Variants in HECW1 observed in about 807,000 individuals in gnomAD.
HECW1 encodes HECT, C2 and WW domain containing E3 ubiquitin protein ligase 1.
In HECW1, 61 loss-of-function variants were observed where a neutral mutation model predicts 182.3. The ratio of observed to expected loss-of-function variants is 0.33; its 90% CI spans 0.27 to 0.41. The LOEUF is 0.41. Among genes scored for constraint, HECW1 ranks in the 10% least tolerant of loss-of-function variants. The pLI is 1.00. For synonymous variants in HECW1, 859 were observed against 832.6 expected (o/e 1.03, Z -0.55); for missense variants, 1,739 against 2,108.9 (o/e 0.82, Z 3.44).
At chr7:43,199,055 A>G (rs1048289465) in intron 2 of HECW1, among the ~76,000 whole-genome samples, 3 of 152,164 alleles carry the variant, frequency 2.0e-5, no homozygotes, top group Non-Finnish European at 4.4e-5. Context: ...GAGTCCAAAT[A>G]TCCTGCCTCC....
intron 3 of HECW1, among the ~76,000 whole-genome samples, chr7:43,252,723 T>G (rs1342356085): frequency 2.0e-5 from 3 of 152,242 alleles, no homozygotes; most frequent in Non-Finnish European, 4.4e-5. Context: ...TAGGTAAATA[T>G]AACTAGCAGT....
chr7:43,450,777 T>A (rs2077208130), intron 11 of HECW1, 51 bp from the exon 12 acceptor site: 1 of 1,145,776 alleles, frequency 8.7e-7, no homozygotes, highest in Non-Finnish European at 1.3e-6. Context: ...TTTTTGATGA[T>A]GTTGCCACGG....
chr7:43,138,311 T>C (rs570260763), intron 2 of HECW1, among the ~76,000 whole-genome samples: 1 of 152,362 alleles, frequency 6.6e-6, no homozygotes, highest in African/African-American at 2.4e-5. Flanking sequence ...TGGTTTAATC[T>C]ATGCTGATGA....
intron 29 of HECW1, among the ~76,000 whole-genome samples, chr7:43,556,004 G>A (rs867329713): frequency 6.6e-6 from 1 of 152,236 alleles, no homozygotes; most frequent in Middle Eastern, 3.2e-3. Context: ...CATGCAGCTT[G>A]AGGAGGGGCT....
At chr7:43,181,413 C>T (rs994841675) in intron 2 of HECW1, among the ~76,000 whole-genome samples, 1 of 150,858 alleles carries the variant, frequency 6.6e-6, no homozygotes, top group Admixed American at 6.6e-5. Flanking sequence ...TTTGAGGAAC[C>T]TCAACACTGT....
At chr7:43,428,572 T>A (rs2076432331) in intron 8 of HECW1, among the ~76,000 whole-genome samples, 1 of 152,048 alleles carries the variant, frequency 6.6e-6, no homozygotes, top group African/African-American at 2.4e-5. Flanking sequence ...GACTCTAGAG[T>A]GAGGAAGAAA....
chr7:43,205,285 A>G (rs1220912456), intron 2 of HECW1, among the ~76,000 whole-genome samples: 2 of 152,056 alleles, frequency 1.3e-5, no homozygotes, highest in East Asian at 1.9e-4. Context: ...GTGTTTCACT[A>G]TGTTGGCCAG....
chr7:43,153,140 T>G (rs1162150599), intron 2 of HECW1, among the ~76,000 whole-genome samples: 1 of 152,206 alleles, frequency 6.6e-6, no homozygotes, highest in Admixed American at 6.5e-5. Flanking sequence ...GACTTCCTTT[T>G]TGGGGCACTA....
intron 2 of HECW1, among the ~76,000 whole-genome samples, chr7:43,128,701 C>T (rs1786552305): frequency 6.6e-6 from 1 of 152,166 alleles, no homozygotes; most frequent in African/African-American, 2.4e-5. Flanking sequence ...GACAGTGATT[C>T]TTCTGCTGGA....
chr7:43,518,816 C>A (rs2080293469), intron 24 of HECW1, among the ~76,000 whole-genome samples: 1 of 152,126 alleles, frequency 6.6e-6, no homozygotes, highest in African/African-American at 2.4e-5. Flanking sequence ...AATGATATAT[C>A]ACCTTATAAC....
chr7:43,310,290 G>A (rs1808338080), intron 3 of HECW1, among the ~76,000 whole-genome samples: 1 of 152,172 alleles, frequency 6.6e-6, no homozygotes, highest in African/African-American at 2.4e-5. Context: ...TGAGATAGGT[G>A]GGTGGTTCCT....
rs927146261 is a variant in HECW1 at position 43,334,262 on chromosome 7, A to G, written c.460+13520A>G. ...AGGACTTTCTGACATCAGTCAAGATAGGTCTCTAGTCAACTGCAAGGCCAT... is the reference window on the plus strand; with the variant it reads ...AGGACTTTCTGACATCAGTCAAGATGGGTCTCTAGTCAACTGCAAGGCCAT... On this transcript the variant is annotated intron_variant, in intron 5 of 29. Coordinates refer to ENST00000395891, the MANE Select transcript of HECW1 (RefSeq NM_015052.5). Among the ~76,000 whole-genome samples the G allele has an allele frequency of 3.9e-5, 6 of 152,332 alleles. No individual in the cohort carries two copies. The South Asian group carries it at 1.2e-3, about 32-fold the overall frequency.
At chr7:43,354,540 C>T (rs946415215) in intron 5 of HECW1, among the ~76,000 whole-genome samples, 7 of 152,066 alleles carry the variant, frequency 4.6e-5, no homozygotes, top group African/African-American at 1.7e-4. Flanking sequence ...TACACGTTCT[C>T]AACAGCAGAC....
At chr7:43,198,576 A>C (rs1242467046) in intron 2 of HECW1, among the ~76,000 whole-genome samples, 1 of 142,658 alleles carries the variant, frequency 7.0e-6, no homozygotes. Context: ...ACACATTCAC[A>C]TACCACACAC....
chr7:43,349,574 T>A (rs1222812381), intron 5 of HECW1, among the ~76,000 whole-genome samples: 2 of 152,224 alleles, frequency 1.3e-5, no homozygotes, highest in Non-Finnish European at 2.9e-5. Context: ...ATTGTGATAT[T>A]TTCCTTTGGA....
At chr7:43,521,634 G>A (rs2080478299) in intron 24 of HECW1, among the ~76,000 whole-genome samples, 3 of 152,192 alleles carry the variant, frequency 2.0e-5, no homozygotes, top group African/African-American at 7.2e-5. Flanking sequence ...CCAGCACTTT[G>A]GGAGGCCAAG....
At chr7:43,125,757 T>TAAAAAAAAAAAA (rs57874835) in intron 2 of HECW1, among the ~76,000 whole-genome samples, 7 of 86,536 alleles carry the variant, frequency 8.1e-5, no homozygotes, top group East Asian at 3.8e-4. Flanking sequence ...GATTCTGTCT[T>TAAAAAAAAAAAA]AAAAAAAAAA....
intron 5 of HECW1, among the ~76,000 whole-genome samples, chr7:43,358,158 C>T (rs73097683): frequency 0.14 from 20,985 of 152,152 alleles, 1,940 homozygotes; most frequent in East Asian, 0.2. Context: ...CATTTGGCCC[C>T]TCCATGCTGA....
chr7:43,445,613 G>C, intron 11 of HECW1, 43 bp downstream of exon 11: 1 of 1,483,792 alleles, frequency 6.7e-7, no homozygotes, highest in Non-Finnish European at 9.0e-7. Context: ...GGACCATCAG[G>C]GGGACAAAGG....
Sources: gnomAD v4.1 joint callset for allele counts (sites outside exome capture counted in the v4.1 genomes callset) on GRCh38, gnomAD v4.1.1 for gene constraint, MANE v1.5 for transcripts, NCBI Gene and HGNC (gene_info 2026-07-23, HGNC 2026-07-21) for gene names.